IGF2BP2: variants seen among roughly 807,000 people sequenced by gnomAD.
The protein encoded by IGF2BP2 is insulin like growth factor 2 mRNA binding protein 2.
Under a neutral mutation model 75.8 loss-of-function variants are expected in IGF2BP2, and 17 were observed. The ratio of observed to expected loss-of-function variants is 0.22; its 90% CI spans 0.15 to 0.34. The LOEUF is 0.34. Among genes scored for constraint, IGF2BP2 ranks in the 10% least tolerant of loss-of-function variants. The pLI is 1.00. For synonymous variants in IGF2BP2, 288 were observed against 295.6 expected (o/e 0.97, Z 0.26); for missense variants, 516 against 772.4 (o/e 0.67, Z 3.93).
intron 3 of IGF2BP2, among the ~76,000 whole-genome samples, chr3:185,697,456 AT>A (rs1020967820): frequency 5.1e-4 from 77 of 152,020 alleles, no homozygotes; most frequent in African/African-American, 1.9e-3. Context: ...TAGATAAAAC[AT>A]TGTTTCCTTT....
At chr3:185,801,056 A>G (rs956931363) in intron 2 of IGF2BP2, among the ~76,000 whole-genome samples, 10 of 152,230 alleles carry the variant, frequency 6.6e-5, no homozygotes, top group African/African-American at 2.2e-4. Flanking sequence ...AAGGATATGA[A>G]CAGACACTTC....
chr3:185,747,622 T>G (rs1730417910), intron 2 of IGF2BP2, among the ~76,000 whole-genome samples: 1 of 151,640 alleles, frequency 6.6e-6, no homozygotes, highest in African/African-American at 2.4e-5. Flanking sequence ...GAGGTTGCAG[T>G]GAGCTAAGAT....
intron 12 of IGF2BP2, 48 bp from the exon 13 acceptor site, chr3:185,652,216 A>G (rs1714719393): frequency 5.9e-6 from 9 of 1,513,826 alleles, no homozygotes; most frequent in Non-Finnish European, 8.2e-6. Flanking sequence ...TGCATTCCCC[A>G]GCCCCTCTTT....
chr3:185,709,473 T>C (rs1019660541), intron 2 of IGF2BP2, among the ~76,000 whole-genome samples: 4 of 152,226 alleles, frequency 2.6e-5, no homozygotes, highest in Non-Finnish European at 4.4e-5. Flanking sequence ...CCATCCCACA[T>C]TCTGTCTTTC....
chr3:185,748,479 TAGGTTACATAG>T (rs1178087819), intron 2 of IGF2BP2, among the ~76,000 whole-genome samples: 1 of 152,206 alleles, frequency 6.6e-6, no homozygotes, highest in Admixed American at 6.5e-5. Flanking sequence ...CCTCCAGTAA[TAGGTTACATAG>T]AAGTTCTCCT....
intron 2 of IGF2BP2, among the ~76,000 whole-genome samples, chr3:185,798,702 T>C (rs1282301442): frequency 6.6e-6 from 1 of 152,208 alleles, no homozygotes; most frequent in African/African-American, 2.4e-5. Context: ...AGGGAGTTTT[T>C]TATTAATGCA....
At chr3:185,722,100 T>TC in intron 2 of IGF2BP2, 1 of 351,260 alleles carries the variant, frequency 2.8e-6, no homozygotes, top group Non-Finnish European at 5.5e-6. Context: ...GATTTTTTTT[T>TC]TCTTTTTTTT....
At chr3:185,699,153 AAAC>A (rs1243947129) in intron 2 of IGF2BP2, among the ~76,000 whole-genome samples, 2 of 152,226 alleles carry the variant, frequency 1.3e-5, no homozygotes, top group African/African-American at 2.4e-5. Context: ...CTTTGGAAAA[AAAC>A]AAAAAACAAA....
chr3:185,705,197 A>G (rs1373361099), intron 2 of IGF2BP2, among the ~76,000 whole-genome samples: 1 of 152,210 alleles, frequency 6.6e-6, no homozygotes, highest in Non-Finnish European at 1.5e-5. Flanking sequence ...CCCAGGTTCA[A>G]GTGATTTTCC....
At chr3:185,685,615 G>A (rs943797964) in intron 7 of IGF2BP2, among the ~76,000 whole-genome samples, 15 of 152,116 alleles carry the variant, frequency 9.9e-5, no homozygotes, top group East Asian at 3.9e-4. Context: ...AACTGCCACC[G>A]CTACCCACAA....
At chr3:185,761,517 T>C (rs989765602) in intron 2 of IGF2BP2, among the ~76,000 whole-genome samples, 1 of 152,132 alleles carries the variant, frequency 6.6e-6, no homozygotes, top group African/African-American at 2.4e-5. Flanking sequence ...CCATCCCAAG[T>C]GCTATTTAAG....
At chr3:185,669,223 T>C (rs1718138360) in intron 10 of IGF2BP2, among the ~76,000 whole-genome samples, 1 of 152,174 alleles carries the variant, frequency 6.6e-6, no homozygotes, top group African/African-American at 2.4e-5. Context: ...ATAGAAAATG[T>C]ACAGATTCTT....
intron 2 of IGF2BP2, among the ~76,000 whole-genome samples, chr3:185,706,530 G>T (rs1578039150): frequency 6.6e-6 from 1 of 152,276 alleles, no homozygotes; most frequent in East Asian, 1.9e-4. Context: ...GATGGTGAAG[G>T]AATTCCTCTA....
intron 8 of IGF2BP2, 55 bp downstream of exon 8, chr3:185,675,736 C>T (rs910488384): frequency 1.5e-5 from 24 of 1,589,730 alleles, no homozygotes; most frequent in African/African-American, 2.7e-5. Context: ...CTAGACGTAT[C>T]GAAATGCTCA....
At chr3:185,696,957 A>T (rs900025157) in intron 3 of IGF2BP2, among the ~76,000 whole-genome samples, 31 of 152,144 alleles carry the variant, frequency 2.0e-4, no homozygotes, top group African/African-American at 7.5e-4. Context: ...GGAACACACT[A>T]CTCTTACAAT....
intron 13 of IGF2BP2, 64 bp downstream of exon 13, chr3:185,652,030 G>A (rs1714685471): frequency 1.5e-6 from 2 of 1,295,404 alleles, no homozygotes; most frequent in Admixed American, 4.2e-5. Flanking sequence ...AGCCTTGAAT[G>A]TGCCTCTGAG....
At chr3:185,758,521 T>C (rs1438820292) in intron 2 of IGF2BP2, among the ~76,000 whole-genome samples, 1 of 152,186 alleles carries the variant, frequency 6.6e-6, no homozygotes, top group East Asian at 1.9e-4. Context: ...GTAAAGTACA[T>C]GGCACGGAGT....
At chr3:185,653,345 G>T (rs550841621) in intron 12 of IGF2BP2, among the ~76,000 whole-genome samples, 2 of 152,074 alleles carry the variant, frequency 1.3e-5, no homozygotes, top group African/African-American at 4.8e-5. Flanking sequence ...GAGGCCAGGC[G>T]TGCAGTGGCT....
chr3:185,768,974 C>T (rs1733487270), intron 2 of IGF2BP2, among the ~76,000 whole-genome samples: 1 of 152,200 alleles, frequency 6.6e-6, no homozygotes, highest in South Asian at 2.1e-4. Context: ...TTGCAGTGAG[C>T]TGAGATTACG....
Sources: gnomAD v4.1 joint callset for allele counts (sites outside exome capture counted in the v4.1 genomes callset) on GRCh38, gnomAD v4.1.1 for gene constraint, MANE v1.5 for transcripts, NCBI Gene and HGNC (gene_info 2026-07-23, HGNC 2026-07-21) for gene names.